The following OPCML variants were observed in gnomAD, a reference collection of about 807,000 sequenced individuals.
The protein encoded by OPCML is opioid binding protein/cell adhesion molecule like.
A neutral mutation model predicts 37.8 loss-of-function variants in OPCML; 13 were observed. That is an observed-to-expected ratio of 0.34 (90% CI 0.22 to 0.55). The LOEUF is 0.55. Among genes scored for constraint, OPCML ranks in the 20% least tolerant of loss-of-function variants. The probability of loss-of-function intolerance (pLI) is 0.91; values close to 1 mark genes in which losing one functional copy is unlikely to be tolerated. For missense variants in OPCML, 341 were observed against 435.6 expected (o/e 0.78, Z 1.93); for synonymous variants, 176 against 168.8 (o/e 1.04, Z -0.33).
At chr11:132,899,420 A>G (rs1309058825) in intron 2 of OPCML, among the ~76,000 whole-genome samples, 2 of 151,968 alleles carry the variant, frequency 1.3e-5, no homozygotes, top group African/African-American at 4.8e-5. Flanking sequence ...TTAATTTTAC[A>G]TCATAGTGTT....
intron 4 of OPCML, among the ~76,000 whole-genome samples, chr11:132,458,095 G>A (rs993308673): frequency 1.3e-5 from 2 of 152,134 alleles, no homozygotes; most frequent in Non-Finnish European, 2.9e-5. Flanking sequence ...TATCCTGAGT[G>A]GACAGAGAAG....
At chr11:133,327,570 C>T (rs1023459994) in intron 1 of OPCML, among the ~76,000 whole-genome samples, 2 of 152,082 alleles carry the variant, frequency 1.3e-5, no homozygotes, top group Admixed American at 1.3e-4. Context: ...GGCTATCTGC[C>T]CATCTCTTTA....
At chr11:133,396,470 G>A (rs79603224) in intron 1 of OPCML, among the ~76,000 whole-genome samples, 1 of 151,964 alleles carries the variant, frequency 6.6e-6, no homozygotes, top group Non-Finnish European at 1.5e-5. Context: ...TAAGGGACAC[G>A]ATTTGTCCAC....
intron 2 of OPCML, among the ~76,000 whole-genome samples, chr11:132,898,286 T>C (rs2262556): frequency 0.21 from 32,043 of 152,224 alleles, 3,677 homozygotes; most frequent in African/African-American, 0.25. Flanking sequence ...CTTTCTGGAA[T>C]AGACATTTCC....
chr11:133,052,759 A>G (rs1179417205), intron 1 of OPCML, among the ~76,000 whole-genome samples: 2 of 152,152 alleles, frequency 1.3e-5, no homozygotes, highest in Non-Finnish European at 2.9e-5. Flanking sequence ...TGACTCCTGG[A>G]TTTTCCAAAT....
chr11:132,503,510 T>C (rs926919465), intron 4 of OPCML, among the ~76,000 whole-genome samples: 1 of 151,992 alleles, frequency 6.6e-6, no homozygotes, highest in African/African-American at 2.4e-5. Flanking sequence ...GCATTAAAAA[T>C]ATGGTGTGTC....
chr11:132,792,292 G>GA (rs971147513), intron 2 of OPCML, among the ~76,000 whole-genome samples: 62 of 145,590 alleles, frequency 4.3e-4, no homozygotes, highest in African/African-American at 1.3e-3. Context: ...CTGCCAAAGA[G>GA]AAAAAAAAAA....
chr11:133,116,355 T>C (rs771724229), intron 1 of OPCML, among the ~76,000 whole-genome samples: 1 of 152,232 alleles, frequency 6.6e-6, no homozygotes, highest in East Asian at 1.9e-4. Flanking sequence ...TCATAATTTC[T>C]ATGCAAATCA....
intron 1 of OPCML, among the ~76,000 whole-genome samples, chr11:132,962,227 G>A (rs1946108230): frequency 6.6e-6 from 1 of 152,188 alleles, no homozygotes; most frequent in East Asian, 1.9e-4. Flanking sequence ...GAGGCTTCTT[G>A]ATGAATCATC....
chr11:133,107,925 C>A (rs1339852707), intron 1 of OPCML, among the ~76,000 whole-genome samples: 1 of 152,206 alleles, frequency 6.6e-6, no homozygotes, highest in Non-Finnish European at 1.5e-5. Context: ...TGCCACACAT[C>A]TAGCTGAGAC....
chr11:133,203,639 G>T (rs1394443003), intron 1 of OPCML, among the ~76,000 whole-genome samples: 1 of 152,198 alleles, frequency 6.6e-6, no homozygotes, highest in Non-Finnish European at 1.5e-5. Flanking sequence ...AATCCTGTCT[G>T]TGAATGATTA....
At chr11:132,424,124 G>GTT (rs5795774) in intron 7 of OPCML, among the ~76,000 whole-genome samples, 18 of 146,570 alleles carry the variant, frequency 1.2e-4, no homozygotes, top group Non-Finnish European at 1.4e-4. Context: ...ACTAGAGGCA[G>GTT]TTTTTTTTTT....
chr11:132,454,726 C>A (rs1056555553), intron 4 of OPCML, among the ~76,000 whole-genome samples: 1 of 152,172 alleles, frequency 6.6e-6, no homozygotes, highest in Non-Finnish European at 1.5e-5. Flanking sequence ...TCCAATCTAG[C>A]CTACTCTATG....
rs560924828 is a variant in OPCML, at chr11:133,511,073, T to C, written c.61+21191A>G. On this transcript the variant is annotated intron_variant, in intron 1 of 7. Transcript: ENST00000524381. ...ATTGGTGTCAACTTTATCCTTCCAA[T>C]TGTACGGATCAAAGAATTTGGAGTC... is the stretch of plus-strand genomic sequence containing the variant. 2.9e-4 allele frequency among the ~76,000 whole-genome samples: 44 copies of C among 152,308 alleles called. 2 individuals carry two copies. The South Asian group carries it at 8.7e-3, about 30-fold the overall frequency.
At chr11:133,400,941 C>T (rs1415127954) in intron 1 of OPCML, among the ~76,000 whole-genome samples, 2 of 152,206 alleles carry the variant, frequency 1.3e-5, no homozygotes, top group Non-Finnish European at 2.9e-5. Flanking sequence ...TGGGACACTG[C>T]AACCCTTTTC....
intron 7 of OPCML, among the ~76,000 whole-genome samples, chr11:132,429,972 C>T (rs11223068): frequency 6.6e-6 from 1 of 151,912 alleles, no homozygotes; most frequent in South Asian, 2.1e-4. Flanking sequence ...AGTCACCACC[C>T]GGTTATATCA....
intron 4 of OPCML, among the ~76,000 whole-genome samples, chr11:132,471,327 C>T (rs933018632): frequency 6.6e-6 from 1 of 152,178 alleles, no homozygotes; most frequent in African/African-American, 2.4e-5. Flanking sequence ...TCCTGTTCTC[C>T]TCTTGACTCA....
chr11:132,785,920 A>C (rs1947194602), intron 2 of OPCML, among the ~76,000 whole-genome samples: 1 of 152,228 alleles, frequency 6.6e-6, no homozygotes, highest in Admixed American at 6.5e-5. Flanking sequence ...ATTTTATCCA[A>C]GGAGTTTGGA....
At chr11:132,470,722 T>C (rs1009184309) in intron 4 of OPCML, among the ~76,000 whole-genome samples, 11 of 152,146 alleles carry the variant, frequency 7.2e-5, no homozygotes, top group African/African-American at 2.7e-4. Context: ...ATTAAGTAAA[T>C]GGCCCAAGGT....
Sources: allele counts gnomAD v4.1 joint callset (sites outside exome capture counted in the v4.1 genomes callset), GRCh38; gene constraint gnomAD v4.1.1; transcripts MANE v1.5; gene names NCBI Gene and HGNC (gene_info 2026-07-23, HGNC 2026-07-21).